The following DYM variants were observed in gnomAD, a reference collection of about 807,000 sequenced individuals.
DYM encodes dymeclin.
A neutral mutation model predicts 93.1 loss-of-function variants in DYM; 78 were observed. The observed-to-expected ratio is 0.84, with a 90% CI of 0.70 to 1.01. The LOEUF is 1.01. Among genes scored for constraint, DYM ranks in the 50% least tolerant of loss-of-function variants. DYM has a pLI of 0.00. For missense variants in DYM, 789 were observed against 845.0 expected (o/e 0.93, Z 0.82); for synonymous variants, 321 against 319.7 (o/e 1.00, Z -0.04).
intron 2 of DYM, among the ~76,000 whole-genome samples, chr18:49,427,370 G>A (rs1273924039): frequency 1.3e-5 from 2 of 152,132 alleles, no homozygotes; most frequent in African/African-American, 2.4e-5. Context: ...GGCAAGGGTG[G>A]GAAGTGGACA....
intron 6 of DYM, among the ~76,000 whole-genome samples, chr18:49,352,731 C>G (rs1039423001): frequency 3.9e-5 from 6 of 152,096 alleles, no homozygotes; most frequent in Non-Finnish European, 7.4e-5. Flanking sequence ...TCCCGTGATA[C>G]TGGAGTGGAT....
intron 16 of DYM, among the ~76,000 whole-genome samples, chr18:49,109,762 A>G (rs2081216011): frequency 6.6e-6 from 1 of 152,226 alleles, no homozygotes; most frequent in African/African-American, 2.4e-5. Context: ...AATCTCTTAG[A>G]GTGGTCAGTA....
rs552389814 is a variant in DYM at position 49,449,234 on chromosome 18, G to A, written c.-54+11164C>T. 5.9e-5 allele frequency among the ~76,000 whole-genome samples: 9 copies of A among 152,328 alleles called. No homozygotes were observed. The East Asian group carries it at 1.7e-3, about 29-fold the overall frequency. ...AAGCTTTCCAAAATTTAACTCAGGT[G>A]TTTCACCTCTCATGAAGAGATTTTA... is the stretch of plus-strand genomic sequence containing the variant. On this transcript the variant is annotated intron_variant, in intron 1 of 17. Transcript: ENST00000675505.
intron 10 of DYM, among the ~76,000 whole-genome samples, chr18:49,275,922 A>G (rs182866766): frequency 6.6e-6 from 1 of 152,328 alleles, no homozygotes; most frequent in Admixed American, 6.5e-5. Context: ...CTGATCCAGT[A>G]TCCTGCAACT....
At position 49,040,989 on chromosome 18, in the gene DYM, C is replaced by T. The variant is rs1045962138; in HGVS notation, c.*3066G>A. ...GTCCTGTGTCCTTTCCACTTTCTAT[C>T]GTCTACTTCCCAGCTCCTGTGCTTT... On this transcript the variant is annotated 3_prime_UTR_variant, in exon 18 of 18. Transcript: ENST00000675505. Among the ~76,000 whole-genome samples, 1 of 152,204 alleles carries T rather than the reference C, an allele frequency of 6.6e-6. No homozygotes were observed. The highest frequency in any genetic ancestry group is 6.5e-5 in the Admixed American group (1 of 15,280).
chr18:49,147,908 G>A (rs1212849403), intron 15 of DYM, among the ~76,000 whole-genome samples: 2 of 152,184 alleles, frequency 1.3e-5, no homozygotes, highest in African/African-American at 4.8e-5. Context: ...GTTTATTGCG[G>A]CACTATTCAC....
At chr18:49,412,947 G>A (rs2072450256) in intron 2 of DYM, 1 of 152,146 alleles carries the variant, frequency 6.6e-6, no homozygotes, top group African/African-American at 2.4e-5. Flanking sequence ...AAGGCAAGGT[G>A]AAAATACTAA....
In DYM at chr18:49,272,059, T is replaced by A. The variant is rs1344201731; in HGVS notation, c.1251+119A>T. ...ATAAATCTGAAGAAAGACATAACAT[T>A]TCTAATACAGGTTCTCACAGGAACA... is the stretch of plus-strand genomic sequence containing the variant. On this transcript the variant is annotated intron_variant, in intron 11 of 17. Coordinates refer to ENST00000675505, the MANE Select transcript of DYM (RefSeq NM_001353214.3). 5.8e-6 allele frequency: 5 copies of A among 868,378 alleles called. No homozygotes were observed. The East Asian group carries it at 1.3e-4, about 23-fold the overall frequency. 53.8% of individuals were successfully genotyped at this position (868,378 alleles called of 1,614,324 possible). A position where few individuals can be genotyped will look rare whatever the true frequency, so the allele number is the denominator to read the frequency against.
chr18:49,185,440 C>G (rs1453357003), intron 14 of DYM, among the ~76,000 whole-genome samples: 1 of 152,120 alleles, frequency 6.6e-6, no homozygotes, highest in Non-Finnish European at 1.5e-5. Flanking sequence ...TAAGAACAGT[C>G]TAGACAGGTA....
chr18:49,103,833 AGTC>A (rs2080463879), intron 16 of DYM, among the ~76,000 whole-genome samples: 1 of 151,758 alleles, frequency 6.6e-6, no homozygotes, highest in Non-Finnish European at 1.5e-5. Flanking sequence ...TATAGTTTGA[AGTC>A]AGGTAGCGTG....
chr18:49,395,968 G>A (rs1470240118), intron 2 of DYM, among the ~76,000 whole-genome samples: 2 of 152,198 alleles, frequency 1.3e-5, no homozygotes. Context: ...CCTCAGAAGT[G>A]GGTAACTTCT....
intron 17 of DYM, among the ~76,000 whole-genome samples, chr18:49,087,990 A>C (rs1599656751): frequency 6.6e-6 from 1 of 151,844 alleles, no homozygotes; most frequent in East Asian, 1.9e-4. Context: ...AATTTGTTTG[A>C]GTTCTTTGTA....
At chr18:49,066,479 C>T (rs766324984) in intron 17 of DYM, among the ~76,000 whole-genome samples, 12 of 152,202 alleles carry the variant, frequency 7.9e-5, no homozygotes, top group Non-Finnish European at 1.3e-4. Flanking sequence ...ATTCTGTTGC[C>T]TGAATGTACC....
At chr18:49,324,600 A>G (rs1028551216) in intron 8 of DYM, among the ~76,000 whole-genome samples, 16 of 152,206 alleles carry the variant, frequency 1.1e-4, no homozygotes, top group Non-Finnish European at 1.5e-5. Context: ...CACTTTTGTC[A>G]GTTTTTCAAA....
intron 17 of DYM, among the ~76,000 whole-genome samples, chr18:49,060,719 T>G (rs968294403): frequency 0.28 from 2,242 of 8,122 alleles, no homozygotes; most frequent in Admixed American, 0.31. Context: ...GAGAGGGAGG[T>G]GGGGGGAGAG....
intron 13 of DYM, among the ~76,000 whole-genome samples, chr18:49,232,885 C>T (rs1197325762): frequency 3.3e-5 from 5 of 151,872 alleles, no homozygotes; most frequent in African/African-American, 9.7e-5. Context: ...GCTGGGATTA[C>T]GGGAGTGACC....
chr18:49,254,281 CATATATATATATATAT>C (rs3084549), intron 13 of DYM, among the ~76,000 whole-genome samples: 3,526 of 136,496 alleles, frequency 0.026, 127 homozygotes, highest in East Asian at 0.072. Context: ...ATCCTTGTAT[CATATATATATATATAT>C]ATATATATAT....
intron 6 of DYM, among the ~76,000 whole-genome samples, chr18:49,338,849 T>C (rs1182399725): frequency 1.3e-5 from 2 of 152,090 alleles, no homozygotes; most frequent in African/African-American, 4.8e-5. Flanking sequence ...AAAGGACTTA[T>C]TAAATAAAAG....
intron 12 of DYM, 52 bp downstream of exon 12, chr18:49,258,328 G>C (rs372406263): frequency 4.7e-6 from 6 of 1,280,346 alleles, no homozygotes; most frequent in Non-Finnish European, 6.8e-6. Flanking sequence ...TTAAACTATC[G>C]TCTTAATTGT....
Sources: allele counts gnomAD v4.1 joint callset (sites outside exome capture counted in the v4.1 genomes callset), GRCh38; gene constraint gnomAD v4.1.1; transcripts MANE v1.5; gene names NCBI Gene and HGNC (gene_info 2026-07-23, HGNC 2026-07-21).